Variants in MYOF observed in about 807,000 individuals in gnomAD.
The protein encoded by MYOF is fer-1-like 3, myoferlin.
Under a neutral mutation model 284.2 loss-of-function variants are expected in MYOF, and 244 were observed. The observed-to-expected ratio is 0.86, with a 90% CI of 0.77 to 0.95. The LOEUF (loss-of-function observed/expected upper bound fraction) is 0.95, where lower values mean the gene tolerates loss of function less well. Among genes scored for constraint, MYOF ranks in the 40% least tolerant of loss-of-function variants. MYOF has a pLI of 0.00. For missense variants in MYOF, 2,496 were observed against 2,560.6 expected (o/e 0.97, Z 0.54); for synonymous variants, 904 against 919.7 (o/e 0.98, Z 0.31).
intron 3 of MYOF, among the ~76,000 whole-genome samples, chr10:93,432,484 G>C (rs1474582493): frequency 6.6e-6 from 1 of 152,152 alleles, no homozygotes; most frequent in African/African-American, 2.4e-5. Context: ...AATTCAGTAA[G>C]AGAGGAAGGC....
At chr10:93,354,214 C>T (rs996049828) in intron 31 of MYOF, among the ~76,000 whole-genome samples, 3 of 152,064 alleles carry the variant, frequency 2.0e-5, no homozygotes, top group Non-Finnish European at 4.4e-5. Context: ...TGTGTCTCTA[C>T]TAAAAATTCA....
chr10:93,397,252 A>G lies in MYOF; in HGVS notation c.1329T>C (p.Tyr443=). Residue 443 remains tyrosine, a synonymous_variant, in exon 15 of 54, where the codon TAT becomes TAC. Coordinates refer to ENST00000359263, the MANE Select transcript of MYOF (RefSeq NM_013451.4). ...CATACGTATTTTCAACTCACCAGTC[A>G]TATATTGTTAGTTTTATTTTTTCAC... ...SVCEKIKLTI[Y]DWDRLTKNDV... 1 of 1,589,052 alleles carries G rather than the reference A, an allele frequency of 6.3e-7. No individual in the cohort carries two copies. The highest frequency in any genetic ancestry group is 8.6e-7 in the Non-Finnish European group (1 of 1,160,948).
At chr10:93,400,956 GATTCTC>G (rs1333359673) in intron 12 of MYOF, among the ~76,000 whole-genome samples, 2 of 148,536 alleles carry the variant, frequency 1.3e-5, no homozygotes, top group Non-Finnish European at 3.0e-5. Flanking sequence ...GGGTTCAAGT[GATTCTC>G]ATGCCTCAGC....
intron 41 of MYOF, among the ~76,000 whole-genome samples, chr10:93,334,437 AC>A (rs1843502877): frequency 1.3e-5 from 2 of 150,826 alleles, no homozygotes; most frequent in African/African-American, 4.9e-5. Flanking sequence ...CCCCATACTC[AC>A]CCCTGGCACA....
intron 1 of MYOF, among the ~76,000 whole-genome samples, chr10:93,471,647 G>T (rs1389719469): frequency 6.6e-6 from 1 of 152,210 alleles, no homozygotes; most frequent in Non-Finnish European, 1.5e-5. Context: ...CCAGCACTTT[G>T]GGAGGCCAAG....
At position 93,310,082 on chromosome 10, in the gene MYOF, T is replaced by A. The variant is rs761945167; in HGVS notation, c.6085A>T (p.Ile2029Phe). ...AGGATAAGCAGGAACAGCAAGCCGA[T>A]GATGACCCACTTAAAGCGGCGCCAC... ...IVWRRFKWVI[I>F]GLLFLLILLL... Residue 2029 changes from isoleucine to phenylalanine, a missense_variant, in exon 53 of 54, where the codon ATC (isoleucine) becomes TTC (phenylalanine). Physicochemically the swap from Ile to Phe is conservative, Grantham distance 21 (BLOSUM62 0). Transcript: ENST00000359263. 35 of 1,614,070 alleles carry A rather than the reference T, an allele frequency of 2.2e-5. 1 individual carries two copies. The highest frequency in any genetic ancestry group is 6.6e-5 in the South Asian group (6 of 91,076).
chr10:93,461,608 T>C (rs75685651), intron 1 of MYOF, among the ~76,000 whole-genome samples: 618 of 151,892 alleles, frequency 4.1e-3, no homozygotes, highest in Middle Eastern at 0.014. Context: ...GTAGACACAA[T>C]AGGGTGGGTG....
chr10:93,309,185 G>A lies in MYOF; in HGVS notation c.6147+835C>T, dbSNP rs181452067. ...AACTGTCTTAGCAGGGGGTGCCCAC[G>A]GTTGTTTGTTTCTGTCTCCATAACA... On this transcript the variant is annotated intron_variant, in intron 53 of 53. Coordinates refer to ENST00000359263, the MANE Select transcript of MYOF (RefSeq NM_013451.4). Among the ~76,000 whole-genome samples the A allele has an allele frequency of 7.9e-5, 12 of 152,236 alleles. No individual in the cohort carries two copies. In the East Asian group the frequency reaches 1.4e-3, roughly 17 times the overall value.
intron 16 of MYOF, among the ~76,000 whole-genome samples, chr10:93,395,843 A>G (rs1225473767): frequency 6.6e-6 from 1 of 151,554 alleles, no homozygotes; most frequent in Non-Finnish European, 1.5e-5. Context: ...CTATTGGGAA[A>G]GAAGTTTTGG....
At chr10:93,426,844 C>T (rs1292024403) in intron 4 of MYOF, among the ~76,000 whole-genome samples, 3 of 148,874 alleles carry the variant, frequency 2.0e-5, no homozygotes, top group African/African-American at 4.9e-5. Context: ...GAGCTGAGAT[C>T]GTGCCACTCA....
chr10:93,401,683 G>T, intron 11 of MYOF, 139 bp from the exon 12 acceptor site: 2 of 1,088,158 alleles, frequency 1.8e-6, no homozygotes, highest in Non-Finnish European at 1.3e-6. Flanking sequence ...AGTTCAGCCT[G>T]CCATCAGCCA....
rs371635738 is a variant in MYOF, at chr10:93,455,087, C to T, written c.144+1795G>A. Among the ~76,000 whole-genome samples the T allele has an allele frequency of 2.8e-4, 41 of 148,234 alleles. No individual in the cohort carries two copies. The East Asian group carries it at 5.0e-3, about 18-fold the overall frequency. On this transcript the variant is annotated intron_variant, in intron 2 of 53. Transcript: ENST00000359263. ...GGTGGATCACCTGAGGTCGACAGTTCGAGACCAGCCTGATCAACATGGAGA... is the reference window on the plus strand; with the variant it reads ...GGTGGATCACCTGAGGTCGACAGTTTGAGACCAGCCTGATCAACATGGAGA...
chr10:93,421,518 C>A (rs1046303355), intron 5 of MYOF, among the ~76,000 whole-genome samples: 5 of 152,120 alleles, frequency 3.3e-5, no homozygotes, highest in Non-Finnish European at 7.3e-5. Context: ...AAATCTGATC[C>A]CCAGTGTTGG....
At chr10:93,375,844 C>A (rs1845812184) in intron 22 of MYOF, among the ~76,000 whole-genome samples, 1 of 152,108 alleles carries the variant, frequency 6.6e-6, no homozygotes. Context: ...GTGATGAGAC[C>A]CCCAAGGGTT....
At chr10:93,471,442 G>C (rs1198715038) in intron 1 of MYOF, among the ~76,000 whole-genome samples, 1 of 152,042 alleles carries the variant, frequency 6.6e-6, no homozygotes, top group Non-Finnish European at 1.5e-5. Context: ...TATGTGAGTT[G>C]GTTGTGTAGT....
intron 52 of MYOF, 149 bp from the exon 53 acceptor site, chr10:93,310,316 T>A: frequency 8.8e-7 from 1 of 1,137,446 alleles, no homozygotes; most frequent in Non-Finnish European, 1.2e-6. Flanking sequence ...AAAGGCTCTT[T>A]AACCTACGAC....
chr10:93,310,466 G>A (rs1002087168), intron 52 of MYOF, 68 bp downstream of exon 52: 1 of 1,460,808 alleles, frequency 6.8e-7, no homozygotes, highest in Admixed American at 1.7e-5. Context: ...ATCCCATTAA[G>A]CCAATGGGAA....
chr10:93,394,356 C>T (rs999895029), intron 16 of MYOF, among the ~76,000 whole-genome samples: 3 of 151,464 alleles, frequency 2.0e-5, no homozygotes, highest in Non-Finnish European at 4.4e-5. Context: ...CCCACCTTGG[C>T]CTCCCAAAGT....
At chr10:93,396,274 C>A in intron 15 of MYOF, 50 bp from the exon 16 acceptor site, 1 of 1,302,342 alleles carries the variant, frequency 7.7e-7, no homozygotes, top group Non-Finnish European at 1.1e-6. Flanking sequence ...GTTCAGAGCT[C>A]CATCTAGGAA....
Sources: gnomAD v4.1 joint callset for allele counts (sites outside exome capture counted in the v4.1 genomes callset) on GRCh38, gnomAD v4.1.1 for gene constraint, MANE v1.5 for transcripts, NCBI Gene and HGNC (gene_info 2026-07-23, HGNC 2026-07-21) for gene names.